The following ADCY1 variants were observed in gnomAD, a reference collection of about 807,000 sequenced individuals.
ADCY1 encodes the protein adenylate cyclase 1.
In ADCY1, 28 loss-of-function variants were observed where a neutral mutation model predicts 105.4. The observed-to-expected ratio is 0.27, with a 90% CI of 0.20 to 0.36. The LOEUF is 0.36. ADCY1 is among the 10% of genes least tolerant of loss of function. ADCY1 has a pLI of 1.00. For synonymous variants in ADCY1, 655 were observed against 623.8 expected, an observed-to-expected ratio of 1.05 and a Z score of -0.75; for missense variants, 977 against 1,434.2, an observed-to-expected ratio of 0.68 and a Z score of 5.15.
At chr7:45,648,109 C>T (rs558340083) in intron 4 of ADCY1, among the ~76,000 whole-genome samples, 17 of 152,326 alleles carry the variant, frequency 1.1e-4, no homozygotes, top group African/African-American at 2.6e-4. Context: ...ACTGTACAGA[C>T]GAGCAGATGG....
intron 14 of ADCY1, among the ~76,000 whole-genome samples, chr7:45,690,287 C>T (rs1423748667): frequency 6.6e-6 from 1 of 152,130 alleles, no homozygotes; most frequent in Non-Finnish European, 1.5e-5. Flanking sequence ...GGGGTGAGTT[C>T]AGGAGCCCTT....
intron 4 of ADCY1, among the ~76,000 whole-genome samples, chr7:45,625,495 ACAC>A (rs1461868478): frequency 6.6e-6 from 1 of 151,862 alleles, no homozygotes; most frequent in Non-Finnish European, 1.5e-5. Flanking sequence ...ACACGTGTGT[ACAC>A]ATGAATGTGT....
At chr7:45,617,444 G>A (rs191220397) in intron 3 of ADCY1, among the ~76,000 whole-genome samples, 85 of 152,300 alleles carry the variant, frequency 5.6e-4, no homozygotes, top group African/African-American at 2.0e-3. Flanking sequence ...GGATGAGAGA[G>A]GGATGTGTTT....
intron 1 of ADCY1, among the ~76,000 whole-genome samples, chr7:45,580,623 G>A (rs1792505330): frequency 2.6e-5 from 4 of 152,200 alleles, no homozygotes; most frequent in Admixed American, 2.6e-4. Flanking sequence ...CACTTGAGGC[G>A]GCTTCCCTGT....
At chr7:45,688,820 C>T (rs529849683) in intron 14 of ADCY1, among the ~76,000 whole-genome samples, 2 of 151,840 alleles carry the variant, frequency 1.3e-5, no homozygotes, top group African/African-American at 4.8e-5. Context: ...AGTCCTGTAA[C>T]GATTACTATA....
rs536117861 is a variant in ADCY1 at position 45,693,944 on chromosome 7, A to G, written c.2454+7271A>G. 5.5e-3 allele frequency among the ~76,000 whole-genome samples: 600 copies of G among 109,646 alleles called. 3 individuals are homozygous for G. The highest frequency in any genetic ancestry group is 0.02 in the African/African-American group (566 of 27,822). The allele number at this position is 109,646 out of a possible 152,430, so 71.9% of individuals were successfully genotyped here. On this transcript the variant is annotated intron_variant, in intron 14 of 19. Coordinates refer to ENST00000297323, the MANE Select transcript of ADCY1 (RefSeq NM_021116.4). ...ATCACATGGACACAGGAAGGGGAAT[A>G]TCACACTCTGGGGACTGTGGTGGGG...
chr7:45,629,620 G>A (rs1794176187), intron 4 of ADCY1, among the ~76,000 whole-genome samples: 1 of 150,890 alleles, frequency 6.6e-6, no homozygotes, highest in Admixed American at 6.7e-5. Context: ...CCGGGTTCAC[G>A]CCATTCTCCT....
At chr7:45,711,687 A>T (rs1785238576) in intron 19 of ADCY1, among the ~76,000 whole-genome samples, 1 of 142,558 alleles carries the variant, frequency 7.0e-6, no homozygotes, top group Non-Finnish European at 1.5e-5. Context: ...ATATATACAC[A>T]CACATATATG....
At chr7:45,648,889 C>G in intron 5 of ADCY1, 92 bp downstream of exon 5, 2 of 1,502,888 alleles carry the variant, frequency 1.3e-6, no homozygotes, top group Non-Finnish European at 1.8e-6. Flanking sequence ...ATGTGGGCTC[C>G]CCTCTCAGGG....
At position 45,721,648 on chromosome 7, in the gene ADCY1, T is replaced by C; in HGVS notation, c.*7653T>C. ...CTGCTGTAGAGCCATTTAATGTTAT[T>C]GTCATATGCTGCTGGTGAGGTAAAG... On this transcript the variant is annotated 3_prime_UTR_variant, in exon 20 of 20. Transcript: ENST00000297323. 2 of 398,594 alleles carry C rather than the reference T, an allele frequency of 5.0e-6. No individual in the cohort carries two copies. Among genetic ancestry groups the C allele is most frequent in the Non-Finnish European group, 8.8e-6 (2 of 226,066 alleles). The allele number at this position is 398,594 out of a possible 1,614,324, so 24.7% of individuals were successfully genotyped here.
chr7:45,596,391 A>C (rs1250035084), intron 2 of ADCY1, among the ~76,000 whole-genome samples: 1 of 151,966 alleles, frequency 6.6e-6, no homozygotes, highest in East Asian at 1.9e-4. Context: ...GGGGGGATCC[A>C]GGGAGACACA....
At position 45,591,904 on chromosome 7, in the gene ADCY1, G is replaced by A. The variant is rs1792928188; in HGVS notation, c.640-855G>A. On this transcript the variant is annotated intron_variant, in intron 1 of 19. Coordinates refer to ENST00000297323, the MANE Select transcript of ADCY1 (RefSeq NM_021116.4). The surrounding 1 kb of genome is among the most constrained non-coding windows in gnomAD (Gnocchi z 4.1). ...CTAGTGCTGGCTCCTTCTCAGGCTG[G>A]CCCCTTCTTTGTGTCTCATCTGTTG... 6.6e-6 allele frequency among the ~76,000 whole-genome samples: 1 copy of A among 152,208 alleles called. No individual in the cohort carries two copies. Among genetic ancestry groups the A allele is most frequent in the African/African-American group, 2.4e-5 (1 of 41,462 alleles).
chr7:45,620,575 C>G (rs1217454237), intron 3 of ADCY1, among the ~76,000 whole-genome samples: 1 of 152,078 alleles, frequency 6.6e-6, no homozygotes, highest in East Asian at 1.9e-4. Context: ...CCTACACATC[C>G]AAGAAGCTGA....
At chr7:45,595,052 C>T (rs890144270) in intron 2 of ADCY1, among the ~76,000 whole-genome samples, 23 of 152,328 alleles carry the variant, frequency 1.5e-4, no homozygotes, top group African/African-American at 5.5e-4. Context: ...TTAGATACCA[C>T]GTTCTAAAAG....
At chr7:45,627,535 G>T (rs991639940) in intron 4 of ADCY1, among the ~76,000 whole-genome samples, 2 of 152,184 alleles carry the variant, frequency 1.3e-5, no homozygotes, top group Non-Finnish European at 2.9e-5. Flanking sequence ...TGTTTAAGTG[G>T]GACAGTGCCA....
chr7:45,672,596 T>G (rs926797591), intron 8 of ADCY1, among the ~76,000 whole-genome samples: 1 of 152,296 alleles, frequency 6.6e-6, no homozygotes, highest in Admixed American at 6.5e-5. Context: ...ATTTTAATAT[T>G]GGTCTTCCTT....
chr7:45,712,587 C>A (rs913077016), intron 19 of ADCY1, among the ~76,000 whole-genome samples: 5 of 151,912 alleles, frequency 3.3e-5, no homozygotes, highest in Non-Finnish European at 5.9e-5. Context: ...TCCTACCACC[C>A]CTGCCACACT....
At chr7:45,660,010 A>T (rs200521467) in intron 6 of ADCY1, 32 bp from the exon 7 acceptor site, 1 of 1,612,220 alleles carries the variant, frequency 6.2e-7, no homozygotes. Flanking sequence ...GTGGTTCCCC[A>T]CTCATCTGGC....
At chr7:45,608,120 G>C (rs1441082547) in intron 2 of ADCY1, among the ~76,000 whole-genome samples, 2 of 152,076 alleles carry the variant, frequency 1.3e-5, no homozygotes, top group East Asian at 3.9e-4. Context: ...GTTGTTTTTT[G>C]ACTTTTTAAT....
Sources: gnomAD v4.1 joint callset for allele counts (sites outside exome capture counted in the v4.1 genomes callset) on GRCh38, gnomAD v4.1.1 for gene constraint, Gnocchi (gnomAD v3.1) non-coding constraint, MANE v1.5 for transcripts, NCBI Gene and HGNC (gene_info 2026-07-23, HGNC 2026-07-21) for gene names.